Variants in MYO16 observed in about 807,000 individuals in gnomAD.
MYO16 encodes myosin XVI.
A neutral mutation model predicts 205.3 loss-of-function variants in MYO16; 94 were observed. That is an observed-to-expected ratio of 0.46 (90% confidence interval 0.39 to 0.54). MYO16 has a LOEUF of 0.54. Among genes scored for constraint, MYO16 ranks in the 20% least tolerant of loss-of-function variants. The pLI is 0.00. For missense variants in MYO16, 2,315 were observed against 2,387.5 expected, an observed-to-expected ratio of 0.97 and a Z score of 0.63; for synonymous variants, 988 against 954.0, an observed-to-expected ratio of 1.04 and a Z score of -0.66.
chr13:108,817,796 C>T (rs1336885006), intron 7 of MYO16, among the ~76,000 whole-genome samples: 5 of 152,142 alleles, frequency 3.3e-5, no homozygotes, highest in Non-Finnish European at 7.4e-5. Flanking sequence ...ATAGTACCAC[C>T]AACGTTTATC....
At chr13:108,720,155 G>A (rs1437447078) in intron 3 of MYO16, among the ~76,000 whole-genome samples, 1 of 152,182 alleles carries the variant, frequency 6.6e-6, no homozygotes, top group Non-Finnish European at 1.5e-5. Context: ...TTGCCAGAGA[G>A]AAGATCATGA....
At chr13:109,050,366 G>A (rs1255592175) in intron 24 of MYO16, among the ~76,000 whole-genome samples, 1 of 151,972 alleles carries the variant, frequency 6.6e-6, no homozygotes, top group Non-Finnish European at 1.5e-5. Flanking sequence ...TTGGCCAGGA[G>A]TCCCAAGAGG....
chr13:108,502,870 C>T, the MYO16 span, among the ~76,000 whole-genome samples: 1 of 152,144 alleles, frequency 6.6e-6, no homozygotes, highest in Non-Finnish European at 1.5e-5. Context: ...GAATCATTAA[C>T]TTTACATTCA....
At chr13:108,496,017 G>A in the MYO16 span, among the ~76,000 whole-genome samples, 1 of 152,164 alleles carries the variant, frequency 6.6e-6, no homozygotes, top group East Asian at 1.9e-4. Context: ...GGGCGCAGAG[G>A]CTGTTCTGCA....
intron 27 of MYO16, among the ~76,000 whole-genome samples, chr13:109,093,971 T>TA (rs1418465917): frequency 6.6e-6 from 1 of 152,064 alleles, no homozygotes; most frequent in African/African-American, 2.4e-5. Flanking sequence ...TTCTGAGCCT[T>TA]ACCCCATTGC....
At chr13:108,880,979 C>G (rs1212999139) in intron 12 of MYO16, among the ~76,000 whole-genome samples, 1 of 152,150 alleles carries the variant, frequency 6.6e-6, no homozygotes, top group Non-Finnish European at 1.5e-5. Context: ...TGAGAACGGA[C>G]AGACTGACTC....
At chr13:108,873,966 A>C (rs1879201341) in intron 12 of MYO16, among the ~76,000 whole-genome samples, 2 of 152,246 alleles carry the variant, frequency 1.3e-5, no homozygotes, top group African/African-American at 2.4e-5. Context: ...TCAGAAACAA[A>C]AATGCATCAT....
chr13:108,761,626 C>T (rs753089295), intron 4 of MYO16, among the ~76,000 whole-genome samples: 7 of 152,104 alleles, frequency 4.6e-5, no homozygotes, highest in East Asian at 3.9e-4. Flanking sequence ...AGAAGGCATC[C>T]GCTTGAGTCT....
intron 27 of MYO16, among the ~76,000 whole-genome samples, chr13:109,079,249 G>A (rs1269854379): frequency 6.6e-6 from 1 of 152,148 alleles, no homozygotes; most frequent in African/African-American, 2.4e-5. Flanking sequence ...CAGATAACCT[G>A]AGAGCCATTG....
At chr13:108,570,927 G>C in the MYO16 span, among the ~76,000 whole-genome samples, 1 of 152,044 alleles carries the variant, frequency 6.6e-6, no homozygotes, top group African/African-American at 2.4e-5. Flanking sequence ...GGGTCTATTA[G>C]GCACTTACTG....
chr13:108,830,540 C>T (rs980528778), intron 9 of MYO16, among the ~76,000 whole-genome samples: 23 of 144,644 alleles, frequency 1.6e-4, no homozygotes, highest in African/African-American at 5.7e-4. Flanking sequence ...TATTCTCACT[C>T]ATAGGTGGGA....
At chr13:108,562,666 T>C in the MYO16 span, among the ~76,000 whole-genome samples, 1 of 152,142 alleles carries the variant, frequency 6.6e-6, no homozygotes, top group Non-Finnish European at 1.5e-5. Flanking sequence ...ACAATGGTGG[T>C]CCCATGAGAT....
chr13:108,696,195 T>C (rs931391041), intron 2 of MYO16, among the ~76,000 whole-genome samples: 1 of 152,172 alleles, frequency 6.6e-6, no homozygotes, highest in African/African-American at 2.4e-5. Context: ...TCTAATACAT[T>C]TTAATTTATG....
intron 13 of MYO16, chr13:108,886,299 A>AT (rs1879881561): frequency 2.5e-6 from 1 of 403,042 alleles, no homozygotes; most frequent in Non-Finnish European, 5.0e-6. Context: ...CCTTTGGGTC[A>AT]TTTTTTAAAG....
intron 10 of MYO16, among the ~76,000 whole-genome samples, chr13:108,848,825 A>G (rs1177998141): frequency 6.6e-6 from 1 of 152,190 alleles, no homozygotes; most frequent in African/African-American, 2.4e-5. Context: ...GACGAAAAAA[A>G]GTTAAGCAAA....
At chr13:109,134,426 T>G (rs116843049) in intron 31 of MYO16, among the ~76,000 whole-genome samples, 1 of 152,198 alleles carries the variant, frequency 6.6e-6, no homozygotes, top group Non-Finnish European at 1.5e-5. Flanking sequence ...GTAGTGATTG[T>G]TTTACTATCC....
intron 4 of MYO16, among the ~76,000 whole-genome samples, chr13:108,735,087 G>A (rs1474068442): frequency 2.0e-5 from 3 of 152,140 alleles, no homozygotes; most frequent in Non-Finnish European, 4.4e-5. Context: ...GATGTATAGA[G>A]AGAGAAAGCA....
intron 16 of MYO16, among the ~76,000 whole-genome samples, chr13:108,924,317 A>G (rs535259422): frequency 6.6e-6 from 1 of 152,328 alleles, no homozygotes; most frequent in African/African-American, 2.4e-5. Context: ...AAAACAGCTT[A>G]GAGCTGAGCT....
chr13:108,817,969 T>C (rs1345709137), intron 7 of MYO16, among the ~76,000 whole-genome samples: 1 of 152,180 alleles, frequency 6.6e-6, no homozygotes, highest in Non-Finnish European at 1.5e-5. Context: ...ATAAAGAAAG[T>C]GGTGGTAATT....
Sources: gnomAD v4.1 joint callset for allele counts (sites outside exome capture counted in the v4.1 genomes callset) on GRCh38, gnomAD v4.1.1 for gene constraint, MANE v1.5 for transcripts, NCBI Gene and HGNC (gene_info 2026-07-23, HGNC 2026-07-21) for gene names.